Variants in HOOK2 observed in about 807,000 individuals in gnomAD.
HOOK2 encodes the protein protein Hook homolog 2.
Under a neutral mutation model 111.9 loss-of-function variants are expected in HOOK2, and 108 were observed. The observed-to-expected ratio is 0.96, with a 90% confidence interval of 0.83 to 1.13. The LOEUF (loss-of-function observed/expected upper bound fraction) is 1.13. Among genes scored for constraint, HOOK2 ranks in the 50% most tolerant of loss-of-function variants. HOOK2 has a pLI of 0.00. For synonymous variants in HOOK2, 405 were observed against 394.3 expected (o/e 1.03, Z -0.32); for missense variants, 978 against 951.3 (o/e 1.03, Z -0.37).
At position 12,790,080 on chromosome 19, in the gene HOOK2, C is replaced by G. The variant is rs1030665641; in HGVS notation, n.42-15855G>C. 2.0e-5 allele frequency among the ~76,000 whole-genome samples: 3 copies of G among 152,218 alleles called. No individual in the cohort carries two copies. The highest frequency in any genetic ancestry group is 4.4e-5 in the Non-Finnish European group (3 of 68,030). On this transcript the variant is annotated intron_variant and non_coding_transcript_variant, in intron 3 of 3. Transcript: ENST00000589765. This position sits in a 1 kb window ranked among gnomAD's most constrained non-coding sequence, Gnocchi z 7.2. ...CCCCCGCCGTCGGGCCAATGGAACA[C>G]TCCCCAAGCCGCCTGCCTCCGCGGT...
At position 12,786,302 on chromosome 19, in the gene HOOK2, C is replaced by T. The variant is rs1049824142; in HGVS notation, n.42-12077G>A. 6.6e-6 allele frequency among the ~76,000 whole-genome samples: 1 copy of T among 152,074 alleles called. No homozygotes were observed. Among genetic ancestry groups the T allele is most frequent in the Non-Finnish European group, 1.5e-5 (1 of 67,972 alleles). ...GCCCTGGCCTGCCCACTGGCTGACT[C>T]ACAGGCAGCCCCCAGCCCAGTTTCC... On this transcript the variant is annotated intron_variant and non_coding_transcript_variant, in intron 3 of 3. Coordinates refer to the HOOK2 transcript ENST00000589765. This position sits in a 1 kb window ranked among gnomAD's most constrained non-coding sequence, Gnocchi z 4.3.
intron 11 of HOOK2, 129 bp downstream of exon 11, chr19:12,769,752 G>T: frequency 1.4e-6 from 1 of 704,424 alleles, no homozygotes; most frequent in Non-Finnish European, 2.1e-6. Flanking sequence ...TGGGTGGAGG[G>T]AAGAGGCCCG....
intron 3 of HOOK2, chr19:12,785,102 T>C (rs1312605818): frequency 6.6e-6 from 1 of 152,614 alleles, no homozygotes; most frequent in Non-Finnish European, 1.5e-5. Context: ...CAGTGGGACA[T>C]TCATAAACAC....
rs752450050 is a variant in HOOK2 at position 12,763,580 on chromosome 19, C to T, written c.1958G>A (p.Arg653Gln). The change falls in exon 22 of 23, where the codon CGA becomes CAA. Residue 653 changes from arginine to glutamine, a missense_variant. Around this residue, in one of 5 missense-constraint regions of HOOK2, gnomAD observed 277 missense variants for 265.8 expected, o/e 1.04. Coordinates refer to ENST00000397668, the MANE Select transcript of HOOK2 (RefSeq NM_013312.3). ...RHLEMDFEKS[R>Q]SQREQEEKLL... ...CTTTTCTTCCTGCTCCCGCTGACTTCGGCTTTTCTCAAAGTCCATCTGTCA... is the reference window on the plus strand; with the variant it reads ...CTTTTCTTCCTGCTCCCGCTGACTTTGGCTTTTCTCAAAGTCCATCTGTCA... The T allele has an allele frequency of 1.1e-5, 17 of 1,614,110 alleles. No individual in the cohort carries two copies. Among genetic ancestry groups the T allele is most frequent in the Admixed American group, 5.0e-5 (3 of 60,004 alleles).
At chr19:12,783,803 C>T (rs1219499780) in intron 3 of HOOK2, among the ~76,000 whole-genome samples, 1 of 152,226 alleles carries the variant, frequency 6.6e-6, no homozygotes, top group Non-Finnish European at 1.5e-5. Context: ...TTTCTCAGGC[C>T]TGGGTGTCAG....
rs771705793 is a variant in HOOK2 at position 12,772,153 on chromosome 19, C to G, written c.519+37G>C. 3 of 1,482,076 alleles carry G rather than the reference C, an allele frequency of 2.0e-6. No homozygotes were observed. The Admixed American group carries it at 5.0e-5, about 25-fold the overall frequency. The allele number at this position is 1,482,076 out of a possible 1,614,324, so 91.8% of individuals were successfully genotyped here. ...ACTCCCGGCCTTTGGATTTGCTGAT[C>G]CCTGTGCCTGGAACACCTTTCCCCC... On this transcript the variant is annotated intron_variant, in intron 7 of 22. Transcript: ENST00000397668.
In HOOK2 at chr19:12,775,493, G is replaced by A. The variant is rs771296396; in HGVS notation, c.-44C>T. The A allele has an allele frequency of 6.9e-6, 11 of 1,588,256 alleles. No homozygotes were observed. Among genetic ancestry groups the A allele is most frequent in the Admixed American group, 5.2e-5 (3 of 57,594 alleles). On this transcript the variant is annotated 5_prime_UTR_variant, in exon 1 of 23. Coordinates refer to ENST00000397668, the MANE Select transcript of HOOK2 (RefSeq NM_013312.3). ...ATCCAGGCCACGGAGCCCCGGCGCC[G>A]CAGCAGCCTCCGGGTCCGCCACCAG...
Position 12,764,831 on chromosome 19 carries a change from C to A in HOOK2, c.1810G>T (p.Val604Leu). ...GTCCTCACCATGCGGGCCTTGTCCA[C>A]GTAGCGGCGGTATCGCTCCTCCATG... ...RAMEERYRRY[V>L]DKARMVMQTM... The change falls in exon 20 of 23, where the codon GTG becomes TTG. Residue 604 changes from valine (V) to leucine (L), a missense_variant. Val to Leu is a conservative substitution (Grantham distance 32). This residue lies in a region of HOOK2 where 277 missense variants were observed against 265.8 expected (regional missense o/e 1.04). Transcript: ENST00000397668. 1 of 1,613,892 alleles carries A rather than the reference C, an allele frequency of 6.2e-7. No individual in the cohort carries two copies. The highest frequency in any genetic ancestry group is 8.5e-7 in the Non-Finnish European group (1 of 1,180,000).
At chr19:12,779,979 G>T (rs1968583144), upstream of HOOK2, among the ~76,000 whole-genome samples, 1 of 152,096 alleles carries the variant, frequency 6.6e-6, no homozygotes, top group Non-Finnish European at 1.5e-5. Flanking sequence ...GTGAAACCCT[G>T]TCTCTACTAA....
intron 7 of HOOK2, 169 bp downstream of exon 7, chr19:12,772,021 C>T (rs1968352279): frequency 4.7e-6 from 3 of 640,308 alleles, no homozygotes; most frequent in Non-Finnish European, 2.8e-6. Flanking sequence ...GGCTTACAGG[C>T]TTAAGGACAA....
At position 12,775,541 on chromosome 19, in the gene HOOK2, C is replaced by A. The variant is rs1968477626; in HGVS notation, c.-92G>T. On this transcript the variant is annotated 5_prime_UTR_variant, in exon 1 of 23. Coordinates refer to ENST00000397668, the MANE Select transcript of HOOK2 (RefSeq NM_013312.3). ...CAGCGAGCGCCCGCAGCCCCGACCT[C>A]CCGCTCGGCCTAGAGCGCCGCCCCG... is the stretch of plus-strand genomic sequence containing the variant. 17 of 1,412,666 alleles carry A rather than the reference C, an allele frequency of 1.2e-5. No homozygotes were observed. The highest frequency in any genetic ancestry group is 1.5e-5 in the Non-Finnish European group (16 of 1,052,176). The allele number at this position is 1,412,666 out of a possible 1,614,324, so 87.5% of individuals were successfully genotyped here.
At position 12,791,756 on chromosome 19, in the gene HOOK2, C is replaced by T; in HGVS notation, n.42-17531G>A. ...GGCCCCGCAGGGACCCTCCCCAGAC[C>T]GCCTGGGCCGCCCGGATGTGCACTA... On this transcript the variant is annotated intron_variant and non_coding_transcript_variant, in intron 3 of 3. Transcript: ENST00000589765. This position sits in a 1 kb window ranked among gnomAD's most constrained non-coding sequence, Gnocchi z 7.0. 1.3e-6 allele frequency: 2 copies of T among 1,585,056 alleles called. No homozygotes were observed. The highest frequency in any genetic ancestry group is 1.7e-6 in the Non-Finnish European group (2 of 1,162,340).
chr19:12,791,909 C>T lies in HOOK2; in HGVS notation n.42-17684G>A. ...GCCTGGCGGTCAACCTGGCCGACCCCTACCGGAGTCTCAAAGCGCCTGGGG... is the reference window on the plus strand; with the variant it reads ...GCCTGGCGGTCAACCTGGCCGACCCTTACCGGAGTCTCAAAGCGCCTGGGG... On this transcript the variant is annotated intron_variant and non_coding_transcript_variant, in intron 3 of 3. Coordinates refer to the HOOK2 transcript ENST00000589765. This position sits in a 1 kb window ranked among gnomAD's most constrained non-coding sequence, Gnocchi z 7.0. The T allele has an allele frequency of 6.2e-7, 1 of 1,613,298 alleles. No homozygotes were observed. Among genetic ancestry groups the T allele is most frequent in the Non-Finnish European group, 8.5e-7 (1 of 1,179,878 alleles).
chr19:12,770,495 A>T (rs1395732530), intron 10 of HOOK2, among the ~76,000 whole-genome samples: 1 of 151,906 alleles, frequency 6.6e-6, no homozygotes, highest in Non-Finnish European at 1.5e-5. Flanking sequence ...ATAGGGGCCC[A>T]GTGGAGCCCT....
chr19:12,763,566 G>C lies in HOOK2; in HGVS notation c.1972C>G (p.Gln658Glu), dbSNP rs773245595. Residue 658 changes from glutamine to glutamate, a missense_variant, in exon 22 of 23, where the codon CAG becomes GAG. Gln to Glu is a conservative substitution (Grantham distance 29, BLOSUM62 2). Coordinates refer to ENST00000397668, the MANE Select transcript of HOOK2 (RefSeq NM_013312.3). ...GCACTGATGAGCAGCTTTTCTTCCT[G>C]CTCCCGCTGACTTCGGCTTTTCTCA... is the stretch of plus-strand genomic sequence containing the variant. The part of the protein sequence containing the change: ...DFEKSRSQRE[Q>E]EEKLLISAWY... The C allele has an allele frequency of 6.2e-7, 1 of 1,614,226 alleles. No homozygotes were observed. Among genetic ancestry groups the C allele is most frequent in the African/African-American group, 1.3e-5 (1 of 75,054 alleles).
Position 12,763,148 on chromosome 19 carries a change from A to AAAG in HOOK2, c.*133_*134insCTT. On this transcript the variant is annotated 3_prime_UTR_variant, in exon 23 of 23. Coordinates refer to ENST00000397668, the MANE Select transcript of HOOK2 (RefSeq NM_013312.3). ...TACCTCCCGCCCTCCCTCCCCACCAATCTGGGAGAGGGAAGAGCAGAGATC... is the reference window on the plus strand; with the variant it reads ...TACCTCCCGCCCTCCCTCCCCACCAAAAGTCTGGGAGAGGGAAGAGCAGAGATC... 1.2e-6 allele frequency: 1 copy of AAAG among 829,924 alleles called. No individual in the cohort carries two copies. The highest frequency in any genetic ancestry group is 1.9e-6 in the Non-Finnish European group (1 of 532,230). The allele number at this position is 829,924 out of a possible 1,614,324, so 51.4% of individuals were successfully genotyped here.
chr19:12,771,893 AAAAAAAG>A (rs1158648792), intron 7 of HOOK2: 1 of 387,596 alleles, frequency 2.6e-6, no homozygotes, highest in African/African-American at 2.1e-5. Flanking sequence ...AAAAAAAAAA[AAAAAAAG>A]AAAAAGAAAA....
chr19:12,764,107 C>T (rs534667789), intron 20 of HOOK2, among the ~76,000 whole-genome samples: 7 of 152,208 alleles, frequency 4.6e-5, no homozygotes, highest in South Asian at 2.1e-4. Context: ...TTTTGCCTCC[C>T]GGGTTCAAGT....
chr19:12,771,453 C>T lies in HOOK2; in HGVS notation c.544G>A (p.Glu182Lys). The T allele has an allele frequency of 1.2e-6, 2 of 1,613,260 alleles. No homozygotes were observed. The highest frequency in any genetic ancestry group is 2.2e-5 in the South Asian group (2 of 90,766). Residue 182 changes from glutamate (E) to lysine (K), a missense_variant, in exon 8 of 23, where the codon GAG becomes AAG. Physicochemically the swap from Glu to Lys is moderately conservative, Grantham distance 56. Transcript: ENST00000397668. The stretch of plus-strand genomic sequence containing the variant: ...AATTCGTCCCCCTCCTCAGCCTCCT[C>T]ACTTAGGAAATAGTACCTGCGGGAC... Reference protein sequence around the residue: ...SQSRRYYFLSEEAEEGDELQQ... With the variant: ...SQSRRYYFLSKEAEEGDELQQ...
Sources: gnomAD v4.1 joint callset for allele counts (sites outside exome capture counted in the v4.1 genomes callset) on GRCh38, gnomAD v4.1.1 for gene constraint, gnomAD v4.1.1 regional missense constraint, Gnocchi (gnomAD v3.1) non-coding constraint, MANE v1.5 for transcripts, NCBI Gene and HGNC (gene_info 2026-07-23, HGNC 2026-07-21) for gene names.